Variants in RIMS1 observed in about 807,000 individuals in gnomAD.
RIMS1 encodes the protein regulating synaptic membrane exocytosis 1.
Under a neutral mutation model 214.1 loss-of-function variants are expected in RIMS1, and 83 were observed. The ratio of observed to expected loss-of-function variants is 0.39; its 90% CI spans 0.32 to 0.47. The LOEUF is 0.47. RIMS1 is among the 20% of genes least tolerant of loss of function. The probability of loss-of-function intolerance (pLI) is 0.99; values close to 1 mark genes in which losing one functional copy is unlikely to be tolerated. For missense variants in RIMS1, 2,050 were observed against 2,161.8 expected, an observed-to-expected ratio of 0.95 and a Z score of 1.03; for synonymous variants, 793 against 786.8, an observed-to-expected ratio of 1.01 and a Z score of -0.13.
At chr6:72,051,239 A>T (rs1475255971) in intron 2 of RIMS1, among the ~76,000 whole-genome samples, 1 of 152,094 alleles carries the variant, frequency 6.6e-6, no homozygotes, top group African/African-American at 2.4e-5. Context: ...TGGCCCTGGA[A>T]ATTTTAGGGT....
At chr6:72,232,845 C>A (rs553209630) in intron 6 of RIMS1, among the ~76,000 whole-genome samples, 57 of 151,768 alleles carry the variant, frequency 3.8e-4, no homozygotes, top group Non-Finnish European at 6.9e-4. Flanking sequence ...ACATACAATT[C>A]TTTACCTATG....
chr6:72,344,566 A>G (rs1332852445), intron 29 of RIMS1, among the ~76,000 whole-genome samples: 1 of 151,836 alleles, frequency 6.6e-6, no homozygotes, highest in Non-Finnish European at 1.5e-5. Context: ...TAATGGCACA[A>G]GAAAAACATT....
chr6:72,211,193 C>A (rs2463731), intron 6 of RIMS1, among the ~76,000 whole-genome samples: 20 of 151,902 alleles, frequency 1.3e-4, no homozygotes, highest in South Asian at 4.1e-4. Flanking sequence ...TATATTTGCC[C>A]TCTTCTGTCC....
chr6:72,050,538 G>A (rs1446562477), intron 2 of RIMS1, among the ~76,000 whole-genome samples: 1 of 152,172 alleles, frequency 6.6e-6, no homozygotes, highest in African/African-American at 2.4e-5. Flanking sequence ...CCAGACCTGT[G>A]GTGGAGGGTG....
Position 72,402,000 on chromosome 6 carries a change from AATT to A in RIMS1, c.*1287_*1289del, listed in dbSNP as rs2098838112. On this transcript the variant is annotated 3_prime_UTR_variant, in exon 34 of 34. Coordinates refer to ENST00000521978, the MANE Select transcript of RIMS1 (RefSeq NM_014989.7). ...TTTCATTTAGTTTCTCTTGGCCTTGAATTTCCCTTGTGACATTCTGTACATGTG... is the reference window on the plus strand; with the variant it reads ...TTTCATTTAGTTTCTCTTGGCCTTGATCCCTTGTGACATTCTGTACATGTG... The A allele has an allele frequency of 6.6e-6, 1 of 152,558 alleles. No individual in the cohort carries two copies. The highest frequency in any genetic ancestry group is 2.1e-4 in the South Asian group (1 of 4,830). The allele number at this position is 152,558 out of a possible 1,614,324, so 9.5% of individuals were successfully genotyped here.
intron 7 of RIMS1, among the ~76,000 whole-genome samples, 158 bp from the exon 8 acceptor site, chr6:72,235,458 CTT>C (rs1373269531): frequency 6.6e-6 from 1 of 152,082 alleles, no homozygotes; most frequent in Admixed American, 6.6e-5. Flanking sequence ...CAGTGTTTAA[CTT>C]TCATGCGGGA....
chr6:72,004,368 C>T (rs1294294369), intron 2 of RIMS1, among the ~76,000 whole-genome samples: 1 of 152,022 alleles, frequency 6.6e-6, no homozygotes, highest in African/African-American at 2.4e-5. Flanking sequence ...GATTTATAGT[C>T]CTTTGGGTAT....
chr6:71,992,714 G>A (rs188427468), intron 2 of RIMS1, among the ~76,000 whole-genome samples: 28 of 151,642 alleles, frequency 1.8e-4, no homozygotes, highest in Non-Finnish European at 2.9e-4. Flanking sequence ...GTGCAGTAGC[G>A]TGATCACAGC....
intron 4 of RIMS1, among the ~76,000 whole-genome samples, chr6:72,116,955 AATC>A (rs1436629842): frequency 2.0e-5 from 3 of 151,966 alleles, no homozygotes; most frequent in East Asian, 1.9e-4. Flanking sequence ...GTTTTTATTT[AATC>A]ATCATGACAA....
chr6:72,235,055 C>T (rs754719773), intron 7 of RIMS1, among the ~76,000 whole-genome samples: 12 of 151,782 alleles, frequency 7.9e-5, no homozygotes, highest in Non-Finnish European at 1.0e-4. Flanking sequence ...GCCAGTTGTT[C>T]CTATTCTCTT....
intron 1 of RIMS1, 78 bp downstream of exon 1, chr6:71,887,265 C>T (rs1161754422): frequency 3.3e-6 from 5 of 1,525,970 alleles, no homozygotes; most frequent in Non-Finnish European, 4.4e-6. Flanking sequence ...CTAGTCCTCG[C>T]GGCTGAGTGT....
Position 72,342,159 on chromosome 6 carries a change from T to C in RIMS1, c.4366+8324T>C, listed in dbSNP as rs1301540118. ...GTTGTCCCCAATTATTTGAACAGTT[T>C]GTTTTTCTGAATTCCTAAATAGAGC... On this transcript the variant is annotated intron_variant, in intron 29 of 33. Transcript: ENST00000521978. 2.6e-5 allele frequency among the ~76,000 whole-genome samples: 4 copies of C among 151,850 alleles called. No individual in the cohort carries two copies. The East Asian group carries it at 7.8e-4, about 29-fold the overall frequency.
Position 72,250,386 on chromosome 6 carries a change from A to G in RIMS1, c.2298A>G (p.Ala766=). 6.2e-7 allele frequency: 1 copy of G among 1,610,230 alleles called. No individual in the cohort carries two copies. The change falls in exon 13 of 34, where the codon GCA becomes GCG. Residue 766 remains alanine (A), a synonymous_variant. Transcript: ENST00000521978. ...GHQLIVNVLQ[A]TDLPARVDGR... ...AGCTGATTGTAAATGTTCTGCAAGC[A>G]ACAGATCTACCTGCTAGAGTAGATG...
intron 6 of RIMS1, among the ~76,000 whole-genome samples, chr6:72,185,276 C>G (rs531109943): frequency 1.3e-5 from 2 of 148,618 alleles, no homozygotes; most frequent in African/African-American, 5.1e-5. Context: ...AAGGATTACA[C>G]CATTGAAGAT....
chr6:72,065,631 T>G (rs1275336972), intron 2 of RIMS1, among the ~76,000 whole-genome samples: 3 of 152,174 alleles, frequency 2.0e-5, no homozygotes, highest in Non-Finnish European at 1.5e-5. Flanking sequence ...CTCCATGCCA[T>G]GTACTTTATC....
chr6:72,363,222 T>C (rs2097882942), intron 29 of RIMS1, among the ~76,000 whole-genome samples: 1 of 152,014 alleles, frequency 6.6e-6, no homozygotes, highest in African/African-American at 2.4e-5. Flanking sequence ...TAATGACCTA[T>C]GATGGAAAAG....
At chr6:72,040,368 C>T (rs771274124) in intron 2 of RIMS1, among the ~76,000 whole-genome samples, 1 of 151,928 alleles carries the variant, frequency 6.6e-6, no homozygotes, top group Non-Finnish European at 1.5e-5. Flanking sequence ...ACAGGCTTTC[C>T]TAGGCAGCAT....
intron 2 of RIMS1, among the ~76,000 whole-genome samples, chr6:72,003,710 T>C (rs1806212471): frequency 6.6e-6 from 1 of 152,154 alleles, no homozygotes; most frequent in South Asian, 2.1e-4. Flanking sequence ...GTCCAAAATG[T>C]ATGTCTCCAA....
chr6:72,270,898 GACTTA>G (rs2082716288), intron 22 of RIMS1, among the ~76,000 whole-genome samples: 1 of 152,108 alleles, frequency 6.6e-6, no homozygotes, highest in East Asian at 1.9e-4. Context: ...GGAAACATGA[GACTTA>G]AGGGAAAGGA....
Sources: gnomAD v4.1 joint callset for allele counts (sites outside exome capture counted in the v4.1 genomes callset) on GRCh38, gnomAD v4.1.1 for gene constraint, MANE v1.5 for transcripts, NCBI Gene and HGNC (gene_info 2026-07-23, HGNC 2026-07-21) for gene names.